Variants in RAPH1 observed in about 807,000 individuals in gnomAD.
RAPH1 encodes ras-associated and pleckstrin homology domains-containing protein 1.
A neutral mutation model predicts 88.1 loss-of-function variants in RAPH1; 18 were observed. The observed-to-expected ratio is 0.20, with a 90% CI of 0.14 to 0.30. The LOEUF is 0.30. Ranked by LOEUF, RAPH1 falls within the 10% of genes least tolerant of loss-of-function variation. The probability of loss-of-function intolerance (pLI) is 1.00; values close to 1 mark genes in which losing one functional copy is unlikely to be tolerated. For synonymous variants in RAPH1, 587 were observed against 559.0 expected (o/e 1.05, Z -0.71); for missense variants, 1,448 against 1,543.2 (o/e 0.94, Z 1.03).
At chr2:203,502,597 G>A (rs186636143) in intron 1 of RAPH1, among the ~76,000 whole-genome samples, 3 of 152,096 alleles carry the variant, frequency 2.0e-5, no homozygotes, top group South Asian at 2.1e-4. Flanking sequence ...CGAGGCGGGC[G>A]GATCACGAGG....
At chr2:203,524,305 C>A (rs1690022763) in intron 1 of RAPH1, among the ~76,000 whole-genome samples, 1 of 152,082 alleles carries the variant, frequency 6.6e-6, no homozygotes, top group African/African-American at 2.4e-5. Flanking sequence ...AGGATATACA[C>A]CAAGTGTCAT....
At chr2:203,481,244 T>A (rs887326350) in intron 4 of RAPH1, among the ~76,000 whole-genome samples, 1 of 152,090 alleles carries the variant, frequency 6.6e-6, no homozygotes, top group Non-Finnish European at 1.5e-5. Context: ...TGTGATGAAG[T>A]AGCATGATAT....
intron 1 of RAPH1, among the ~76,000 whole-genome samples, chr2:203,518,735 T>C (rs1052576755): frequency 7.9e-5 from 12 of 151,918 alleles, no homozygotes; most frequent in African/African-American, 2.7e-4. Context: ...GTAGTCCTAG[T>C]TACTTGGGAA....
In RAPH1 at chr2:203,440,103, T is replaced by A; in HGVS notation, c.3087A>T (p.Lys1029Asn). 1 of 1,613,284 alleles carries A rather than the reference T, an allele frequency of 6.2e-7. No individual in the cohort carries two copies. Among genetic ancestry groups the A allele is most frequent in the East Asian group, 2.2e-5 (1 of 44,856 alleles). Residue 1029 changes from lysine (K) to asparagine (N), a missense_variant, in exon 14 of 14, where the codon AAA becomes AAT. Around this residue, in one of 2 missense-constraint regions of RAPH1, gnomAD observed 935 missense variants for 890.1 expected, o/e 1.05. Coordinates refer to ENST00000319170, the MANE Select transcript of RAPH1 (RefSeq NM_213589.3). ...PPPAAPPKPGKLNLSGVNLPG... is the reference protein window; with the variant it reads ...PPPAAPPKPGNLNLSGVNLPG... ...GAAGGTTGACTCCAGAAAGATTGAGTTTTCCAGGCTTGGGGGGTGCTGCAG... is the reference window on the plus strand; with the variant it reads ...GAAGGTTGACTCCAGAAAGATTGAGATTTCCAGGCTTGGGGGGTGCTGCAG...
In RAPH1 at chr2:203,439,586, A is replaced by G. The variant is rs990622505; in HGVS notation, c.3604T>C (p.Leu1202=). Residue 1202 remains leucine, a synonymous_variant, in exon 14 of 14, where the codon TTG becomes CTG. Coordinates refer to ENST00000319170, the MANE Select transcript of RAPH1 (RefSeq NM_213589.3). ...AGCAGTTCAGGGGGTGGTGGAGGCAATGCCATATCATCCATGGTGGCTGTT... is the reference window on the plus strand; with the variant it reads ...AGCAGTTCAGGGGGTGGTGGAGGCAGTGCCATATCATCCATGGTGGCTGTT... The part of the protein sequence containing the change: ...EPTATMDDMA[L]PPPPPELLSD... 4 of 1,614,108 alleles carry G rather than the reference A, an allele frequency of 2.5e-6. No homozygotes were observed. In the African/African-American group the frequency reaches 4.0e-5, roughly 16 times the overall value.
chr2:203,506,742 CTA>C (rs71007523), intron 1 of RAPH1, among the ~76,000 whole-genome samples: 6,201 of 110,740 alleles, frequency 0.056, 672 homozygotes, highest in African/African-American at 0.2. Context: ...AGATATATAT[CTA>C]TATATATATA....
chr2:203,487,543 A>G (rs564046180), intron 4 of RAPH1, among the ~76,000 whole-genome samples: 2 of 152,052 alleles, frequency 1.3e-5, no homozygotes, highest in East Asian at 1.9e-4. Context: ...ACCACATCCA[A>G]CTAATTTTTT....
intron 1 of RAPH1, among the ~76,000 whole-genome samples, chr2:203,507,187 G>A (rs1335999926): frequency 4.0e-5 from 6 of 151,306 alleles, no homozygotes; most frequent in Non-Finnish European, 5.9e-5. Context: ...GTGTGCCACC[G>A]TGCCTGGCCA....
At chr2:203,466,167 T>G (rs2098528288) in intron 4 of RAPH1, among the ~76,000 whole-genome samples, 1 of 152,236 alleles carries the variant, frequency 6.6e-6, no homozygotes, top group African/African-American at 2.4e-5. Context: ...CTAGTTTTAT[T>G]AAAGGATAAC....
intron 4 of RAPH1, among the ~76,000 whole-genome samples, chr2:203,487,602 C>A (rs1688030516): frequency 6.6e-6 from 1 of 152,086 alleles, no homozygotes; most frequent in African/African-American, 2.4e-5. Context: ...CCAGGGTGGT[C>A]TCAAACTCCT....
intron 8 of RAPH1, among the ~76,000 whole-genome samples, chr2:203,456,239 C>T (rs895758758): frequency 2.3e-4 from 35 of 152,218 alleles, no homozygotes; most frequent in Non-Finnish European, 4.7e-4. Flanking sequence ...TAGTTAAATA[C>T]CTTTGCAAAC....
At chr2:203,487,283 C>A (rs1229349230) in intron 4 of RAPH1, among the ~76,000 whole-genome samples, 2 of 152,160 alleles carry the variant, frequency 1.3e-5, no homozygotes, top group African/African-American at 4.8e-5. Flanking sequence ...AAATATTGCT[C>A]ATATCCTAGC....
At position 203,478,126 on chromosome 2, in the gene RAPH1, T is replaced by A. The variant is rs191556079; in HGVS notation, c.732+11458A>T. ...TCAGCTCATTGCAAGCTCCACCTCC[T>A]GGGTTCACGCCATTCTCCTGCCTCA... On this transcript the variant is annotated intron_variant, in intron 4 of 13. Coordinates refer to ENST00000319170, the MANE Select transcript of RAPH1 (RefSeq NM_213589.3). Among the ~76,000 whole-genome samples, 5 of 150,758 alleles carry A rather than the reference T, an allele frequency of 3.3e-5. No homozygotes were observed. In the East Asian group the frequency reaches 1.0e-3, roughly 30 times the overall value.
chr2:203,534,734 T>C (rs889986702), intron 1 of RAPH1, among the ~76,000 whole-genome samples: 4 of 152,312 alleles, frequency 2.6e-5, no homozygotes, highest in Admixed American at 6.5e-5. Flanking sequence ...AGCTGGTTTC[T>C]GCAGCTGGGC....
At chr2:203,493,723 A>G (rs1166283370) in intron 2 of RAPH1, among the ~76,000 whole-genome samples, 1 of 152,110 alleles carries the variant, frequency 6.6e-6, no homozygotes, top group East Asian at 1.9e-4. Flanking sequence ...CTGTAATCCC[A>G]GCAGTTTGAG....
chr2:203,450,366 A>T (rs1159783112), intron 10 of RAPH1, among the ~76,000 whole-genome samples: 1 of 152,242 alleles, frequency 6.6e-6, no homozygotes, highest in African/African-American at 2.4e-5. Context: ...CTCAACAATA[A>T]GAGGTTAGCA....
intron 4 of RAPH1, among the ~76,000 whole-genome samples, chr2:203,487,751 GAA>G (rs1349075424): frequency 6.6e-6 from 1 of 152,044 alleles, no homozygotes; most frequent in Non-Finnish European, 1.5e-5. Context: ...TTAAATAAAT[GAA>G]AGTTTATTCT....
Position 203,440,576 on chromosome 2 carries a change from G to T in RAPH1, c.2614C>A (p.Pro872Thr), listed in dbSNP as rs750204051. The change falls in exon 14 of 14, where the codon CCT (proline) becomes ACT (threonine). Residue 872 changes from proline to threonine, a missense_variant. Transcript: ENST00000319170. ...VKQIASQFPP[P>T]PTPPAMESQP... ...GATTCCATGGCAGGGGGAGTTGGAG[G>T]GGGTGGAAACTGGCTGGCTATCTGC... is the stretch of plus-strand genomic sequence containing the variant. 1.3e-6 allele frequency: 2 copies of T among 1,553,262 alleles called. No individual in the cohort carries two copies. Among genetic ancestry groups the T allele is most frequent in the Non-Finnish European group, 8.7e-7 (1 of 1,149,200 alleles).
chr2:203,535,080 C>G (rs1013919870), intron 1 of RAPH1, 31 bp downstream of exon 1: 4 of 152,038 alleles, frequency 2.6e-5, no homozygotes, highest in East Asian at 2.0e-4. Context: ...CTCCCTACCC[C>G]CTGGCCCCGA....
Sources: gnomAD v4.1 joint callset for allele counts (sites outside exome capture counted in the v4.1 genomes callset) on GRCh38, gnomAD v4.1.1 for gene constraint, gnomAD v4.1.1 regional missense constraint, MANE v1.5 for transcripts, NCBI Gene and HGNC (gene_info 2026-07-23, HGNC 2026-07-21) for gene names.